Variants in ENO4 observed in about 807,000 individuals in gnomAD.
ENO4 encodes 2-phospho-D-glycerate hydro-lyase.
In ENO4, 53 loss-of-function variants were observed where a neutral mutation model predicts 63.2. That is an observed-to-expected ratio of 0.84 (90% CI 0.67 to 1.05). The LOEUF (loss-of-function observed/expected upper bound fraction) is 1.05, where lower values mean the gene tolerates loss of function less well. Among genes scored for constraint, ENO4 ranks in the 50% least tolerant of loss-of-function variants. ENO4 has a pLI of 0.00. For missense variants in ENO4, 719 were observed against 772.0 expected (o/e 0.93, Z 0.81); for synonymous variants, 266 against 283.8 (o/e 0.94, Z 0.63).
rs1055331514 is a variant in ENO4, at chr10:116,871,111, T to C, written c.1048-14T>C. 2 of 1,549,532 alleles carry C rather than the reference T, an allele frequency of 1.3e-6. No individual in the cohort carries two copies. Among genetic ancestry groups the C allele is most frequent in the Non-Finnish European group, 1.7e-6 (2 of 1,146,442 alleles). ...TGCTGTATTGACATGGATCATTGTC[T>C]CTTGATCTTGCAGCAGCAGATCACT... On this transcript the variant is annotated splice_polypyrimidine_tract_variant and intron_variant, in intron 8 of 13. Transcript: ENST00000341276.
intron 7 of ENO4, among the ~76,000 whole-genome samples, chr10:116,868,320 G>A (rs1444402116): frequency 6.6e-6 from 1 of 152,224 alleles, no homozygotes; most frequent in African/African-American, 2.4e-5. Context: ...GCACACAGCA[G>A]GAGTTCATGA....
chr10:116,850,379 C>G (rs1846042635), intron 1 of ENO4: 1 of 153,908 alleles, frequency 6.5e-6, no homozygotes, highest in Non-Finnish European at 1.4e-5. Flanking sequence ...CCTGTGAGCC[C>G]CTGCTGGGCT....
intron 11 of ENO4, among the ~76,000 whole-genome samples, chr10:116,878,557 T>C (rs1416792960): frequency 6.6e-6 from 1 of 152,152 alleles, no homozygotes; most frequent in Non-Finnish European, 1.5e-5. Flanking sequence ...TACGTAGGCA[T>C]ACCAACTCCA....
At chr10:116,855,033 G>A (rs992841035) in intron 1 of ENO4, among the ~76,000 whole-genome samples, 1 of 150,900 alleles carries the variant, frequency 6.6e-6, no homozygotes, top group African/African-American at 2.4e-5. Context: ...ACGCCTGCTA[G>A]CCTGTAATCC....
chr10:116,861,216 T>A, intron 6 of ENO4, 26 bp downstream of exon 6: 4 of 933,886 alleles, frequency 4.3e-6, no homozygotes, highest in Non-Finnish European at 5.4e-6. Context: ...TTAAATTACC[T>A]TTTCTAAAAA....
chr10:116,901,089 CTTTTCT>C (rs897651180), intron 10 of ENO4: 2 of 985,198 alleles, frequency 2.0e-6, no homozygotes, highest in African/African-American at 3.5e-5. Context: ...TCACCTCTTC[CTTTTCT>C]TTAAGTGACA....
At chr10:116,886,439 G>A, downstream of ENO4, 1 of 1,611,770 alleles carries the variant, frequency 6.2e-7, no homozygotes, top group Non-Finnish European at 8.5e-7. Context: ...TGTTGAGTTG[G>A]ATCTTTTTCA....
intron 10 of ENO4, among the ~76,000 whole-genome samples, chr10:116,891,680 G>C (rs891658644): frequency 6.6e-6 from 1 of 152,058 alleles, no homozygotes; most frequent in African/African-American, 2.4e-5. Context: ...AGGTAGTTTT[G>C]ATTGTTTCTT....
Position 116,849,872 on chromosome 10 carries a change from G to A in ENO4, c.165+141G>A, listed in dbSNP as rs556018154. 1.8e-3 allele frequency: 1,725 copies of A among 981,550 alleles called. 37 individuals are homozygous for A. The South Asian group carries it at 0.024, about 14-fold the overall frequency. The allele number at this position is 981,550 out of a possible 1,614,324, so 60.8% of individuals were successfully genotyped here. On this transcript the variant is annotated intron_variant, in intron 1 of 13. Coordinates refer to ENST00000341276, the MANE Select transcript of ENO4 (RefSeq NM_001242699.2). Reference sequence around the variant, plus strand: ...GCCCTGGGCCTGCGTGTGCGGAGGAGACTTCTGGAGGGAAGGAGCGGGAAG... The same window carrying A: ...GCCCTGGGCCTGCGTGTGCGGAGGAAACTTCTGGAGGGAAGGAGCGGGAAG...
intron 7 of ENO4, among the ~76,000 whole-genome samples, chr10:116,864,667 C>T (rs1162890126): frequency 6.6e-6 from 1 of 152,148 alleles, no homozygotes; most frequent in African/African-American, 2.4e-5. Context: ...ACAGTCCCTT[C>T]TCTAAAGGTA....
intron 10 of ENO4, among the ~76,000 whole-genome samples, chr10:116,889,323 AAAG>A (rs1847261359): frequency 6.6e-6 from 1 of 152,230 alleles, no homozygotes; most frequent in Non-Finnish European, 1.5e-5. Flanking sequence ...GTCTCAGTCC[AAAG>A]AACGATCTCC....
At position 116,874,219 on chromosome 10, in the gene ENO4, C is replaced by T; in HGVS notation, c.1341+18C>T. On this transcript the variant is annotated intron_variant, in intron 10 of 13. Transcript: ENST00000341276. ...GGAAGGAGGTAAGCACCCCACCTTCCATATTTTATAACATATTTTATATGC... is the reference window on the plus strand; with the variant it reads ...GGAAGGAGGTAAGCACCCCACCTTCTATATTTTATAACATATTTTATATGC... The T allele has an allele frequency of 1.3e-6, 2 of 1,515,026 alleles. No individual in the cohort carries two copies. The highest frequency in any genetic ancestry group is 1.3e-5 in the South Asian group (1 of 79,766). 93.8% of individuals were successfully genotyped at this position (1,515,026 alleles called of 1,614,324 possible).
downstream of ENO4, chr10:116,883,985 T>C: frequency 4.5e-6 from 1 of 222,784 alleles, no homozygotes; most frequent in Non-Finnish European, 9.4e-6. Context: ...TCTCTGTTCC[T>C]CACTCGGGCT....
intron 10 of ENO4, 24 bp from the exon 11 acceptor site, chr10:116,876,041 A>G: frequency 1.4e-6 from 2 of 1,478,584 alleles, no homozygotes; most frequent in Non-Finnish European, 1.8e-6. Flanking sequence ...CATTATAATG[A>G]TCAACTCTTA....
intron 1 of ENO4, among the ~76,000 whole-genome samples, chr10:116,854,022 C>T (rs1387016274): frequency 6.6e-6 from 1 of 152,184 alleles, no homozygotes; most frequent in African/African-American, 2.4e-5. Flanking sequence ...ACAGAAACAC[C>T]TTCCTGAGCG....
chr10:116,881,606 G>C lies in ENO4; in HGVS notation c.1815G>C (p.Leu605=). Residue 605 remains leucine, a synonymous_variant, in exon 14 of 14, where the codon CTG becomes CTC. Transcript: ENST00000341276. ...ALEAAAAREP[L]VPTFPTQGVE... The stretch of plus-strand genomic sequence containing the variant: ...AGGCTGCTGCGGCTAGGGAGCCGCT[G>C]GTGCCCACCTTCCCCACACAAGGTG... 6.4e-7 allele frequency: 1 copy of C among 1,550,478 alleles called. No homozygotes were observed. The highest frequency in any genetic ancestry group is 1.2e-5 in the South Asian group (1 of 84,018).
At chr10:116,893,035 TACTC>T (rs1194027890) in intron 10 of ENO4, among the ~76,000 whole-genome samples, 5 of 152,348 alleles carry the variant, frequency 3.3e-5, no homozygotes, top group East Asian at 1.9e-4. Context: ...AATTGAGAAT[TACTC>T]AGCAGCATTT....
intron 6 of ENO4, 102 bp from the exon 7 acceptor site, chr10:116,862,697 C>G: frequency 1.3e-6 from 1 of 762,912 alleles, no homozygotes; most frequent in Non-Finnish European, 2.2e-6. Flanking sequence ...TAATCAGGGA[C>G]TCTACAAATA....
intron 6 of ENO4, among the ~76,000 whole-genome samples, chr10:116,862,184 C>T (rs575777819): frequency 6.6e-6 from 1 of 152,184 alleles, no homozygotes; most frequent in South Asian, 2.1e-4. Flanking sequence ...TCTAGGCTGG[C>T]CAGGCATGGT....
Sources: allele counts gnomAD v4.1 joint callset (sites outside exome capture counted in the v4.1 genomes callset), GRCh38; gene constraint gnomAD v4.1.1; transcripts MANE v1.5; gene names NCBI Gene and HGNC (gene_info 2026-07-23, HGNC 2026-07-21).